The following TSHZ2 variants were observed in gnomAD, a reference collection of about 807,000 sequenced individuals.
TSHZ2 encodes teashirt homolog 2.
TSHZ2 carries 21 observed loss-of-function variants against 74.4 expected under a neutral mutation model. The observed-to-expected ratio is 0.28, with a 90% CI of 0.20 to 0.41. The LOEUF (loss-of-function observed/expected upper bound fraction) is 0.41, where lower values mean the gene tolerates loss of function less well. Ranked by LOEUF, TSHZ2 falls within the 10% of genes least tolerant of loss-of-function variation. The pLI, the probability that TSHZ2 is intolerant of heterozygous loss-of-function variation, is 1.00. For synonymous variants in TSHZ2, 540 were observed against 515.3 expected (o/e 1.05, Z -0.65); for missense variants, 1,244 against 1,293.5 (o/e 0.96, Z 0.59).
intron 2 of TSHZ2, among the ~76,000 whole-genome samples, chr20:53,427,608 G>C (rs1454939610): frequency 6.6e-6 from 1 of 152,192 alleles, no homozygotes; most frequent in Non-Finnish European, 1.5e-5. Flanking sequence ...GGCTCACAAA[G>C]ACACAGATTT....
intron 1 of TSHZ2, among the ~76,000 whole-genome samples, chr20:53,101,396 C>G (rs947837540): frequency 8.5e-5 from 13 of 152,072 alleles, no homozygotes; most frequent in Non-Finnish European, 1.6e-4. Flanking sequence ...TTCCTTATTG[C>G]GTTGCAAATC....
At position 52,973,243 on chromosome 20, in the gene TSHZ2, C is replaced by A. The variant is rs368152339; in HGVS notation, c.-51C>A. 6.4e-7 allele frequency: 1 copy of A among 1,550,830 alleles called. No individual in the cohort carries two copies. The highest frequency in any genetic ancestry group is 8.7e-7 in the Non-Finnish European group (1 of 1,146,456). On this transcript the variant is annotated 5_prime_UTR_variant, in exon 1 of 3. Coordinates refer to ENST00000371497, the MANE Select transcript of TSHZ2 (RefSeq NM_173485.6). ...AGGCCAGAGAGACAGCGGGCCCCAG[C>A]GCGCGGCTCGGGGCTGGGGCGCCAG...
chr20:53,380,980 G>A (rs1228583995), intron 2 of TSHZ2, among the ~76,000 whole-genome samples: 1 of 152,176 alleles, frequency 6.6e-6, no homozygotes, highest in Non-Finnish European at 1.5e-5. Flanking sequence ...TGTATTGTGA[G>A]TCCATCCTAT....
At chr20:53,158,935 C>T (rs1017530053) in intron 1 of TSHZ2, among the ~76,000 whole-genome samples, 2 of 152,228 alleles carry the variant, frequency 1.3e-5, no homozygotes, top group African/African-American at 4.8e-5. Flanking sequence ...ATTGACTCTC[C>T]CTCTTTTCCT....
chr20:53,156,132 C>T (rs1490287159), intron 1 of TSHZ2, among the ~76,000 whole-genome samples: 5 of 152,118 alleles, frequency 3.3e-5, no homozygotes, highest in Non-Finnish European at 7.4e-5. Context: ...TTAGCCAGAC[C>T]CACGTATCCT....
intron 1 of TSHZ2, among the ~76,000 whole-genome samples, chr20:53,125,077 A>G (rs2107325): frequency 0.29 from 44,679 of 152,078 alleles, 6,934 homozygotes; most frequent in African/African-American, 0.39. Flanking sequence ...TGGCCAATTT[A>G]CTCAACCTCT....
intron 1 of TSHZ2, among the ~76,000 whole-genome samples, chr20:53,069,361 C>T (rs4444605): frequency 0.014 from 2,090 of 152,160 alleles, 55 homozygotes; most frequent in African/African-American, 0.048. Context: ...ACCCCTCCAC[C>T]GTTGGGGGAG....
intron 1 of TSHZ2, among the ~76,000 whole-genome samples, chr20:53,125,097 C>A (rs1021276929): frequency 6.6e-6 from 1 of 152,128 alleles, no homozygotes; most frequent in African/African-American, 2.4e-5. Context: ...TTTTGGAATG[C>A]GATTTTGTCA....
Position 53,280,080 on chromosome 20 carries a change from G to A in TSHZ2, c.*8+23509G>A, listed in dbSNP as rs565571796. 3.3e-5 allele frequency among the ~76,000 whole-genome samples: 5 copies of A among 152,314 alleles called. No individual in the cohort carries two copies. The South Asian group carries it at 8.3e-4, about 25-fold the overall frequency. On this transcript the variant is annotated intron_variant, in intron 2 of 2. Coordinates refer to ENST00000371497, the MANE Select transcript of TSHZ2 (RefSeq NM_173485.6). Reference sequence around the variant, plus strand: ...TTGAGAGGCTTTAAATAGGGAAAGAGCATGACCCAATGGGCATTTTTGAAG... The same window carrying A: ...TTGAGAGGCTTTAAATAGGGAAAGAACATGACCCAATGGGCATTTTTGAAG...
At chr20:53,227,101 A>G (rs572055509) in intron 1 of TSHZ2, among the ~76,000 whole-genome samples, 4 of 152,092 alleles carry the variant, frequency 2.6e-5, no homozygotes, top group East Asian at 1.9e-4. Flanking sequence ...AGCATTTTGC[A>G]AACTCCAGGC....
chr20:52,988,242 A>G (rs971717723), intron 1 of TSHZ2, among the ~76,000 whole-genome samples: 4 of 152,170 alleles, frequency 2.6e-5, no homozygotes, highest in Middle Eastern at 3.2e-3. Flanking sequence ...AACATTTACC[A>G]AGCACTGGCT....
intron 1 of TSHZ2, among the ~76,000 whole-genome samples, chr20:53,124,784 C>T (rs765148869): frequency 7.2e-5 from 11 of 152,216 alleles, no homozygotes; most frequent in African/African-American, 2.4e-5. Flanking sequence ...TAGGTGACTT[C>T]TTTCCCAGGG....
intron 2 of TSHZ2, among the ~76,000 whole-genome samples, chr20:53,281,702 G>A (rs1991064499): frequency 6.6e-6 from 1 of 152,164 alleles, no homozygotes. Context: ...TCTCAGGAAT[G>A]TGCTCCCAGG....
intron 1 of TSHZ2, among the ~76,000 whole-genome samples, chr20:53,219,723 A>G (rs1989512811): frequency 6.6e-6 from 1 of 152,220 alleles, no homozygotes; most frequent in Non-Finnish European, 1.5e-5. Context: ...CCAATTATAT[A>G]CATGGAAGAA....
intron 1 of TSHZ2, among the ~76,000 whole-genome samples, chr20:53,236,102 A>G (rs1989933663): frequency 6.6e-6 from 1 of 152,350 alleles, no homozygotes; most frequent in Non-Finnish European, 1.5e-5. Context: ...GCTCAGGTTA[A>G]CCATGTAAAT....
chr20:53,124,592 C>T (rs1292649436), intron 1 of TSHZ2, among the ~76,000 whole-genome samples: 2 of 152,184 alleles, frequency 1.3e-5, no homozygotes, highest in African/African-American at 2.4e-5. Context: ...TAGAATATGG[C>T]ATGAAGCCCT....
intron 1 of TSHZ2, among the ~76,000 whole-genome samples, chr20:53,136,971 G>A (rs930016982): frequency 3.9e-5 from 6 of 152,060 alleles, no homozygotes; most frequent in African/African-American, 1.2e-4. Flanking sequence ...AGAGATGATC[G>A]GTTATGTGGT....
chr20:53,384,872 C>T (rs1981987124), intron 2 of TSHZ2, among the ~76,000 whole-genome samples: 1 of 152,162 alleles, frequency 6.6e-6, no homozygotes, highest in Non-Finnish European at 1.5e-5. Flanking sequence ...CCTGTAATCC[C>T]AGCACTTTGG....
chr20:53,194,695 C>G (rs549049226), intron 1 of TSHZ2, among the ~76,000 whole-genome samples: 78 of 152,340 alleles, frequency 5.1e-4, no homozygotes, highest in African/African-American at 1.8e-3. Flanking sequence ...ATTACTTCAC[C>G]TAATGTGATC....
Sources: gnomAD v4.1 joint callset for allele counts (sites outside exome capture counted in the v4.1 genomes callset) on GRCh38, gnomAD v4.1.1 for gene constraint, MANE v1.5 for transcripts, NCBI Gene and HGNC (gene_info 2026-07-23, HGNC 2026-07-21) for gene names.